DERA: variants seen among roughly 807,000 people sequenced by gnomAD.
The protein encoded by DERA is deoxyribose-phosphate aldolase, also known as 2-deoxy-D-ribose 5-phosphate aldolase.
DERA carries 15 observed loss-of-function variants against 41.1 expected under a neutral mutation model. The observed-to-expected ratio is 0.37, with a 90% CI of 0.24 to 0.56. DERA has a LOEUF of 0.56. Among genes scored for constraint, DERA ranks in the 20% least tolerant of loss-of-function variants. The pLI, the probability that DERA is intolerant of heterozygous loss-of-function variation, is 0.81. For synonymous variants in DERA, 139 were observed against 137.4 expected (o/e 1.01, Z -0.08); for missense variants, 396 against 403.4 (o/e 0.98, Z 0.16).
At chr12:16,034,593 CT>C (rs976761866) in intron 7 of DERA, among the ~76,000 whole-genome samples, 30 of 152,260 alleles carry the variant, frequency 2.0e-4, no homozygotes, top group African/African-American at 6.7e-4. Flanking sequence ...TGACAAGTTG[CT>C]TGGGCAGCCC....
rs1948346982 is a variant in DERA at position 15,933,922 on chromosome 12, G to T, written c.31+22508G>T. On this transcript the variant is annotated intron_variant, in intron 1 of 8. Coordinates refer to ENST00000428559, the MANE Select transcript of DERA (RefSeq NM_015954.4). ...GCACTGCTGCTCAGATCAATTAAAT[G>T]ATGACTGTCAGGCCACGTAAGCTGG... Among the ~76,000 whole-genome samples, 3 of 152,220 alleles carry T rather than the reference G, an allele frequency of 2.0e-5. No homozygotes were observed. In the South Asian group the frequency reaches 6.2e-4, roughly 32 times the overall value.
At position 15,999,014 on chromosome 12, in the gene DERA, C is replaced by A. The variant is rs1948857698; in HGVS notation, c.637+16578C>A. 1.3e-5 allele frequency among the ~76,000 whole-genome samples: 2 copies of A among 152,174 alleles called. No homozygotes were observed. The highest frequency in any genetic ancestry group is 1.3e-4 in the Admixed American group (2 of 15,278). On this transcript the variant is annotated intron_variant, in intron 6 of 8. Transcript: ENST00000428559. This position sits in a 1 kb window ranked among gnomAD's most constrained non-coding sequence, Gnocchi z 5.3. ...CTATCAAGATTTCACCTCCTTTCATCTTCAACATATTAGATTTAGGATTTG... is the reference window on the plus strand; with the variant it reads ...CTATCAAGATTTCACCTCCTTTCATATTCAACATATTAGATTTAGGATTTG...
chr12:15,980,732 T>C (rs947430575), intron 5 of DERA, among the ~76,000 whole-genome samples: 15 of 152,292 alleles, frequency 9.8e-5, no homozygotes, highest in African/African-American at 3.1e-4. Flanking sequence ...GTCTGTTCTT[T>C]ATTGAACCTT....
rs1263892219 is a variant in DERA, at chr12:16,014,404, G to A, written c.638-18138G>A. On this transcript the variant is annotated intron_variant, in intron 6 of 8. Coordinates refer to ENST00000428559, the MANE Select transcript of DERA (RefSeq NM_015954.4). This position sits in a 1 kb window ranked among gnomAD's most constrained non-coding sequence, Gnocchi z 5.4. ...ACTTGGTGCCCTGCATCCCGGCCGT[G>A]GCTAAAAGAAGCCAATGTACAGCTC... Among the ~76,000 whole-genome samples the A allele has an allele frequency of 6.6e-6, 1 of 152,180 alleles. No individual in the cohort carries two copies. Among genetic ancestry groups the A allele is most frequent in the Non-Finnish European group, 1.5e-5 (1 of 68,042 alleles).
intron 1 of DERA, among the ~76,000 whole-genome samples, chr12:15,945,049 GTAT>G (rs1401412176): frequency 6.6e-6 from 1 of 152,138 alleles, no homozygotes; most frequent in African/African-American, 2.4e-5. Context: ...TAGACGTGTG[GTAT>G]TATTTCTGAG....
At chr12:15,942,783 G>C (rs755901767) in intron 1 of DERA, among the ~76,000 whole-genome samples, 59 of 152,348 alleles carry the variant, frequency 3.9e-4, no homozygotes, top group Admixed American at 1.2e-3. Flanking sequence ...GCTCTCACGT[G>C]CTGTGCGACA....
chr12:15,944,364 A>G (rs556318631), intron 1 of DERA, among the ~76,000 whole-genome samples: 21 of 152,226 alleles, frequency 1.4e-4, no homozygotes, highest in Admixed American at 5.2e-4. Flanking sequence ...AAGTGTTCCT[A>G]TTTCTCCACA....
At chr12:15,962,758 A>G (rs964296429) in intron 4 of DERA, 55 bp from the exon 5 acceptor site, 1 of 1,427,006 alleles carries the variant, frequency 7.0e-7, no homozygotes. Flanking sequence ...CCCCTTGCTT[A>G]CTTTCTTTCT....
chr12:15,934,475 A>G (rs1412611687), intron 1 of DERA, among the ~76,000 whole-genome samples: 2 of 151,962 alleles, frequency 1.3e-5, no homozygotes, highest in African/African-American at 4.8e-5. Context: ...AGTCCCAGCT[A>G]CTCAGGAGGC....
chr12:16,021,694 G>A lies in DERA; in HGVS notation c.638-10848G>A, dbSNP rs902840541. ...TTTCACCAGTGTGCCCTGGATGCAG[G>A]ACATGGAGTCAAAGGAGATTATTTT... On this transcript the variant is annotated intron_variant, in intron 6 of 8. Coordinates refer to ENST00000428559, the MANE Select transcript of DERA (RefSeq NM_015954.4). The surrounding 1 kb of genome is among the most constrained non-coding windows in gnomAD (Gnocchi z 5.3). 4.6e-5 allele frequency among the ~76,000 whole-genome samples: 7 copies of A among 152,188 alleles called. No individual in the cohort carries two copies. The highest frequency in any genetic ancestry group is 8.8e-5 in the Non-Finnish European group (6 of 68,032).
In DERA at chr12:15,915,940, C is replaced by G. The variant is rs1214754112; in HGVS notation, c.31+4526C>G. Among the ~76,000 whole-genome samples the G allele has an allele frequency of 6.6e-6, 1 of 152,202 alleles. No individual in the cohort carries two copies. The stretch of plus-strand genomic sequence containing the variant: ...GATTTGGTGCTAATAATGCTACATG[C>G]TTAAACAACCACACTGTGTCGACTG... On this transcript the variant is annotated intron_variant, in intron 1 of 8. Transcript: ENST00000428559. This position sits in a 1 kb window ranked among gnomAD's most constrained non-coding sequence, Gnocchi z 4.8.
intron 1 of DERA, among the ~76,000 whole-genome samples, chr12:15,947,134 G>T (rs749147915): frequency 6.6e-6 from 1 of 152,178 alleles, no homozygotes; most frequent in Non-Finnish European, 1.5e-5. Flanking sequence ...CAACTATGTG[G>T]TCAATTTTGG....
chr12:16,013,729 C>G lies in DERA; in HGVS notation c.638-18813C>G, dbSNP rs1948962046. ...ACTGGTTAACAGGAAGAGGTTGGAA[C>G]AGTTTGGAGGGCTCAGAAGAAGACA... On this transcript the variant is annotated intron_variant, in intron 6 of 8. Transcript: ENST00000428559. The surrounding 1 kb of genome is among the most constrained non-coding windows in gnomAD (Gnocchi z 5.8). 6.6e-6 allele frequency among the ~76,000 whole-genome samples: 1 copy of G among 152,136 alleles called. No homozygotes were observed. The highest frequency in any genetic ancestry group is 2.1e-4 in the South Asian group (1 of 4,820).
chr12:15,918,739 C>T lies in DERA; in HGVS notation c.31+7325C>T, dbSNP rs1163304647. On this transcript the variant is annotated intron_variant, in intron 1 of 8. Transcript: ENST00000428559. This position sits in a 1 kb window ranked among gnomAD's most constrained non-coding sequence, Gnocchi z 4.3. ...CTAAGGGAGATGTTTATGTAAATCA[C>T]CACATACGGCATGTTAAAACTGACA... Among the ~76,000 whole-genome samples, 1 of 152,106 alleles carries T rather than the reference C, an allele frequency of 6.6e-6. No homozygotes were observed. The highest frequency in any genetic ancestry group is 1.5e-5 in the Non-Finnish European group (1 of 68,032).
At chr12:15,946,625 T>A (rs1414801942) in intron 1 of DERA, among the ~76,000 whole-genome samples, 3 of 152,104 alleles carry the variant, frequency 2.0e-5, no homozygotes, top group African/African-American at 7.3e-5. Context: ...TTTTCTTCTT[T>A]ATTAGTCTTG....
At position 15,982,346 on chromosome 12, in the gene DERA, G is replaced by C. The variant is rs760577941; in HGVS notation, c.547G>C (p.Gly183Arg). The change falls in exon 6 of 9, where the codon GGG (glycine) becomes CGG (arginine). Residue 183 changes from glycine to arginine, a missense_variant. By Grantham distance (125) the Gly-to-Arg change is moderately radical (BLOSUM62 -2). Transcript: ENST00000428559. The surrounding 1 kb of genome is among the most constrained non-coding windows in gnomAD (Gnocchi z 4.0). ...DEIRQFRKAC[G>R]EAHLKTILAT... ...GATTCGTCAGTTTCGCAAGGCCTGT[G>C]GGGAGGCTCATCTTAAAACTATATT... 6 of 1,613,850 alleles carry C rather than the reference G, an allele frequency of 3.7e-6. No individual in the cohort carries two copies. The Admixed American group carries it at 6.7e-5, about 18-fold the overall frequency.
rs924562384 is a variant in DERA at position 15,936,815 on chromosome 12, T to A, written c.32-20121T>A. ...GATTTGTCTGATTATTTTCTAGTGATGTCATTTAACTTATTTCTGCATCTT... is the reference window on the plus strand; with the variant it reads ...GATTTGTCTGATTATTTTCTAGTGAAGTCATTTAACTTATTTCTGCATCTT... On this transcript the variant is annotated intron_variant, in intron 1 of 8. Transcript: ENST00000428559. This position sits in a 1 kb window ranked among gnomAD's most constrained non-coding sequence, Gnocchi z 4.6. 6.6e-6 allele frequency among the ~76,000 whole-genome samples: 1 copy of A among 152,072 alleles called. No homozygotes were observed. The highest frequency in any genetic ancestry group is 1.5e-5 in the Non-Finnish European group (1 of 68,024).
rs973303562 is a variant in DERA, at chr12:16,003,959, A to G, written c.637+21523A>G. On this transcript the variant is annotated intron_variant, in intron 6 of 8. Transcript: ENST00000428559. This position sits in a 1 kb window ranked among gnomAD's most constrained non-coding sequence, Gnocchi z 4.8. Reference sequence around the variant, plus strand: ...CGGGCCTTCCTCTGTTTCCTAAAACATCATTGTGCAGAATGCTTAGAAGGG... The same window carrying G: ...CGGGCCTTCCTCTGTTTCCTAAAACGTCATTGTGCAGAATGCTTAGAAGGG... Among the ~76,000 whole-genome samples, 7 of 152,206 alleles carry G rather than the reference A, an allele frequency of 4.6e-5. No individual in the cohort carries two copies. The highest frequency in any genetic ancestry group is 1.7e-4 in the African/African-American group (7 of 41,448).
Position 15,940,084 on chromosome 12 carries a change from C to T in DERA, c.32-16852C>T, listed in dbSNP as rs2136135666. On this transcript the variant is annotated intron_variant, in intron 1 of 8. Coordinates refer to ENST00000428559, the MANE Select transcript of DERA (RefSeq NM_015954.4). The surrounding 1 kb of genome is among the most constrained non-coding windows in gnomAD (Gnocchi z 5.1). ...ACAACAAAATTTGTATCCATGTTGT[C>T]ACTGCAAAATCACATAATTATGTGT... is the stretch of plus-strand genomic sequence containing the variant. Among the ~76,000 whole-genome samples, 1 of 152,266 alleles carries T rather than the reference C, an allele frequency of 6.6e-6. No individual in the cohort carries two copies. The highest frequency in any genetic ancestry group is 1.9e-4 in the East Asian group (1 of 5,188).
Sources: gnomAD v4.1 joint callset for allele counts (sites outside exome capture counted in the v4.1 genomes callset) on GRCh38, gnomAD v4.1.1 for gene constraint, Gnocchi (gnomAD v3.1) non-coding constraint, MANE v1.5 for transcripts, NCBI Gene and HGNC (gene_info 2026-07-23, HGNC 2026-07-21) for gene names.